ALOXE3: variants seen among roughly 807,000 people sequenced by gnomAD.
ALOXE3 encodes the protein arachidonate epidermal lipoxygenase 3.
A neutral mutation model predicts 87.5 loss-of-function variants in ALOXE3; 78 were observed. The observed-to-expected ratio is 0.89, with a 90% CI of 0.74 to 1.08. The LOEUF (loss-of-function observed/expected upper bound fraction) is 1.08, where lower values mean the gene tolerates loss of function less well. Ranked by LOEUF, ALOXE3 falls within the 50% of genes least tolerant of loss-of-function variation. ALOXE3 has a pLI of 0.00. For missense variants in ALOXE3, 946 were observed against 912.4 expected (o/e 1.04, Z -0.47); for synonymous variants, 363 against 370.8 (o/e 0.98, Z 0.24).
At chr17:8,105,218 G>A (rs1295118319) in intron 13 of ALOXE3, among the ~76,000 whole-genome samples, 2 of 152,020 alleles carry the variant, frequency 1.3e-5, no homozygotes, top group Non-Finnish European at 2.9e-5. Flanking sequence ...TCACTTATTC[G>A]ACTCCAGCTG....
intron 9 of ALOXE3, 35 bp downstream of exon 9, chr17:8,110,350 G>A: frequency 2.5e-6 from 4 of 1,607,432 alleles, no homozygotes; most frequent in African/African-American, 1.3e-5. Context: ...GTTAGCACCT[G>A]AGCCCCCATC....
Position 8,103,661 on chromosome 17 carries a change from G to A in ALOXE3, c.1786-168C>T, listed in dbSNP as rs899326547. On this transcript the variant is annotated intron_variant, in intron 14 of 15. Coordinates refer to ENST00000448843, the MANE Select transcript of ALOXE3 (RefSeq NM_021628.3). The stretch of plus-strand genomic sequence containing the variant: ...AAATGAGGGGATCATGGAAAGGCAA[G>A]AGAGGAAAGGGTAGGGAGTGGAAAG... 19 of 818,554 alleles carry A rather than the reference G, an allele frequency of 2.3e-5. No homozygotes were observed. In the South Asian group the frequency reaches 2.9e-4, roughly 13 times the overall value. The allele number at this position is 818,554 out of a possible 1,614,324, so 50.7% of individuals were successfully genotyped here.
chr17:8,114,485 C>T lies in ALOXE3; in HGVS notation c.679G>A (p.Ala227Thr). 2.5e-6 allele frequency: 4 copies of T among 1,613,220 alleles called. No homozygotes were observed. The highest frequency in any genetic ancestry group is 2.2e-5 in the East Asian group (1 of 44,848). Residue 227 changes from alanine (A) to threonine (T), a missense_variant and splice_region_variant, in exon 6 of 16, where the codon GCG (alanine) becomes ACG (threonine). Coordinates refer to ENST00000448843, the MANE Select transcript of ALOXE3 (RefSeq NM_021628.3). ...TCATTAGAGGGACAATGGCCTTACG[C>T]AGGGATGGCATTGAAGAGCAGCGAG... The part of the protein sequence containing the change: ...TISLLFNAIP[A>T]SLGMKLRGLL...
At chr17:8,104,270 G>C in intron 13 of ALOXE3, 55 bp from the exon 14 acceptor site, 1 of 1,359,822 alleles carries the variant, frequency 7.4e-7, no homozygotes, top group Non-Finnish European at 1.0e-6. Context: ...GGATTCCTAG[G>C]GCCAGCTCAG....
chr17:8,113,868 A>G (rs961113859), intron 6 of ALOXE3, among the ~76,000 whole-genome samples: 10 of 151,522 alleles, frequency 6.6e-5, no homozygotes, highest in South Asian at 2.1e-4. Flanking sequence ...CTCTACTAAA[A>G]ATACAAAATT....
chr17:8,108,910 G>A (rs1979749702), intron 12 of ALOXE3, among the ~76,000 whole-genome samples: 1 of 152,068 alleles, frequency 6.6e-6, no homozygotes, highest in Non-Finnish European at 1.5e-5. Flanking sequence ...CCCAGCCCAT[G>A]CTTAAATGAT....
rs764781178 is a variant in ALOXE3 at position 8,114,483 on chromosome 17, C to A, written c.680+1G>T. On this transcript the variant is annotated splice_donor_variant, in intron 6 of 15. Transcript: ENST00000448843. LOFTEE classifies it high-confidence loss of function. ...GTTCATTAGAGGGACAATGGCCTTA[C>A]GCAGGGATGGCATTGAAGAGCAGCG... 6.2e-7 allele frequency: 1 copy of A among 1,613,422 alleles called. No homozygotes were observed. Among genetic ancestry groups the A allele is most frequent in the Middle Eastern group, 1.6e-4 (1 of 6,062 alleles).
chr17:8,114,475 T>C lies in ALOXE3; in HGVS notation c.680+9A>G, dbSNP rs3027214. 6.4e-3 allele frequency: 10,351 copies of C among 1,612,968 alleles called. 850 individuals are homozygous for C. The Admixed American group carries it at 0.15, about 23-fold the overall frequency. Reference sequence around the variant, plus strand: ...TGTAAGATGTTCATTAGAGGGACAATGGCCTTACGCAGGGATGGCATTGAA... The same window carrying C: ...TGTAAGATGTTCATTAGAGGGACAACGGCCTTACGCAGGGATGGCATTGAA... On this transcript the variant is annotated intron_variant, in intron 6 of 15. Transcript: ENST00000448843.
At position 8,118,109 on chromosome 17, in the gene ALOXE3, G is replaced by C. The variant is rs1480908738; in HGVS notation, c.-119C>G. ...TGGGCGGAGGGCTAGGGGCTGCGGGGCTGGGTAGGGCTGAGGATGGGCCCA... is the reference window on the plus strand; with the variant it reads ...TGGGCGGAGGGCTAGGGGCTGCGGGCCTGGGTAGGGCTGAGGATGGGCCCA... On this transcript the variant is annotated 5_prime_UTR_variant, in exon 2 of 16. Coordinates refer to ENST00000448843, the MANE Select transcript of ALOXE3 (RefSeq NM_021628.3). The C allele has an allele frequency of 6.4e-7, 1 of 1,552,216 alleles. No individual in the cohort carries two copies. Among genetic ancestry groups the C allele is most frequent in the African/African-American group, 1.4e-5 (1 of 73,280 alleles).
chr17:8,117,084 A>C, intron 2 of ALOXE3, 104 bp from the exon 3 acceptor site: 1 of 1,061,156 alleles, frequency 9.4e-7, no homozygotes, highest in Non-Finnish European at 1.4e-6. Context: ...GGGCATACAA[A>C]CCTGAGCTGC....
At chr17:8,108,066 A>AGAAAGAAG (rs1567997177) in intron 13 of ALOXE3, among the ~76,000 whole-genome samples, 2 of 150,508 alleles carry the variant, frequency 1.3e-5, no homozygotes, top group East Asian at 3.9e-4. Flanking sequence ...AAAGAAAGAA[A>AGAAAGAAG]GGAAGAGAGG....
At position 8,117,854 on chromosome 17, in the gene ALOXE3, G is replaced by A; in HGVS notation, c.137C>T (p.Ala46Val). The stretch of plus-strand genomic sequence containing the variant: ...CTCCTTTGTACTCACCGATCCAGGG[G>A]CGAAGTCCCTGCCCATTCGATCTAG... Reference protein sequence around the residue: ...QRLDRMGRDFAPGSVQKYKVR... With the variant: ...QRLDRMGRDFVPGSVQKYKVR... Residue 46 changes from alanine (A) to valine (V), a missense_variant, in exon 2 of 16, where the codon GCC becomes GTC. Ala to Val is a moderately conservative substitution (Grantham distance 64). Transcript: ENST00000448843. 1.9e-6 allele frequency: 3 copies of A among 1,610,950 alleles called. No individual in the cohort carries two copies. The highest frequency in any genetic ancestry group is 1.7e-6 in the Non-Finnish European group (2 of 1,179,534).
intron 7 of ALOXE3, among the ~76,000 whole-genome samples, 178 bp downstream of exon 7, chr17:8,111,915 T>C (rs1980125566): frequency 1.3e-5 from 2 of 152,182 alleles, no homozygotes; most frequent in East Asian, 3.9e-4. Context: ...TCAGAGAAGG[T>C]GCTTTGTTCT....
At chr17:8,118,653 C>CA, upstream of ALOXE3, 1 of 1,537,274 alleles carries the variant, frequency 6.5e-7, no homozygotes, top group Non-Finnish European at 8.7e-7. Flanking sequence ...ACCGATCCCC[C>CA]CACGCATGGC....
intron 12 of ALOXE3, 110 bp from the exon 13 acceptor site, chr17:8,108,699 T>C (rs757393357): frequency 2.7e-5 from 41 of 1,500,664 alleles, no homozygotes; most frequent in Non-Finnish European, 3.5e-5. Context: ...GCCATGGGGG[T>C]TCAGCAGGGA....
rs752254980 is a variant in ALOXE3, at chr17:8,108,469, T to TC, written c.1682_1683insG (p.Gly562ArgfsTer36). 2 of 1,612,650 alleles carry TC rather than the reference T, an allele frequency of 1.2e-6. No homozygotes were observed. The highest frequency in any genetic ancestry group is 1.7e-6 in the Non-Finnish European group (2 of 1,179,148). The stretch of plus-strand genomic sequence containing the variant: ...GAAAGTGGGATAGAGAGGGGATACC[T>TC]GAGCTTTCCCGGCCCAGGAACGCCT... On this transcript the variant is annotated frameshift_variant and splice_region_variant, in exon 13 of 16. Transcript: ENST00000448843. LOFTEE classifies it high-confidence loss of function.
chr17:8,109,336 G>A lies in ALOXE3; in HGVS notation c.1400C>T (p.Ser467Phe). 1 of 1,613,764 alleles carries A rather than the reference G, an allele frequency of 6.2e-7. No individual in the cohort carries two copies. Among genetic ancestry groups the A allele is most frequent in the East Asian group, 2.2e-5 (1 of 44,866 alleles). Residue 467 changes from serine (S) to phenylalanine (F), a missense_variant, in exon 12 of 16, where the codon TCC (serine) becomes TTC (phenylalanine). Physicochemically the swap from Ser to Phe is radical, Grantham distance 155 (BLOSUM62 -2). Transcript: ENST00000448843. ...NPEGLVDQVT[S>F]IGRQGLIYLM... is the part of the protein sequence containing the mutation. ...GTAGATGAGGCCTTGCCTCCCGATGGACGTGACCTGAGGACACAGCACAGC... is the reference window on the plus strand; with the variant it reads ...GTAGATGAGGCCTTGCCTCCCGATGAACGTGACCTGAGGACACAGCACAGC...
upstream of ALOXE3, chr17:8,118,717 G>A (rs553508729): frequency 5.7e-5 from 87 of 1,537,284 alleles, no homozygotes; most frequent in African/African-American, 9.0e-4. Context: ...CTCTGGAGTA[G>A]GGCAGGTCAG....
chr17:8,111,515 G>A lies in ALOXE3; in HGVS notation c.801C>T (p.His267=). 1 of 1,614,198 alleles carries A rather than the reference G, an allele frequency of 6.2e-7. No individual in the cohort carries two copies. The highest frequency in any genetic ancestry group is 8.5e-7 in the Non-Finnish European group (1 of 1,180,036). The change falls in exon 8 of 16, where the codon CAC becomes CAT. Residue 267 remains histidine (H), a synonymous_variant. Transcript: ENST00000448843. The part of the protein sequence containing the change: ...KTFTTKYVTE[H]WCEDHFFGYQ... ...ACCCAAAGAAGTGATCTTCACACCA[G>A]TGCTCTGTGACATACTCTGGGATAC...
Sources: gnomAD v4.1 joint callset for allele counts (sites outside exome capture counted in the v4.1 genomes callset) on GRCh38, gnomAD v4.1.1 for gene constraint, MANE v1.5 for transcripts, NCBI Gene and HGNC (gene_info 2026-07-23, HGNC 2026-07-21) for gene names.